TMEM132C: variants seen among roughly 807,000 people sequenced by gnomAD.
The protein encoded by TMEM132C is protein phosphatase 1, regulatory subunit 152.
In TMEM132C, 29 loss-of-function variants were observed where a neutral mutation model predicts 61.4. That is an observed-to-expected ratio of 0.47 (90% CI 0.35 to 0.64). TMEM132C has a LOEUF of 0.64. TMEM132C is among the 30% of genes least tolerant of loss of function. The pLI is 0.00. For synonymous variants in TMEM132C, 656 were observed against 633.1 expected, an observed-to-expected ratio of 1.04 and a Z score of -0.54; for missense variants, 1,408 against 1,476.9, an observed-to-expected ratio of 0.95 and a Z score of 0.76.
At chr12:128,349,912 G>A (rs76487282) in intron 1 of TMEM132C, among the ~76,000 whole-genome samples, 814 of 79,406 alleles carry the variant, frequency 0.01, 9 homozygotes, top group African/African-American at 0.027. Flanking sequence ...GTATGAACAC[G>A]TACCGTACAC....
At chr12:128,589,858 T>G (rs561655152) in intron 3 of TMEM132C, among the ~76,000 whole-genome samples, 2 of 152,286 alleles carry the variant, frequency 1.3e-5, no homozygotes, top group South Asian at 4.1e-4. Flanking sequence ...TAAAGCGTAC[T>G]TACCTCCCGG....
At chr12:128,379,301 G>A (rs914448335) in intron 1 of TMEM132C, among the ~76,000 whole-genome samples, 1 of 152,214 alleles carries the variant, frequency 6.6e-6, no homozygotes, top group Non-Finnish European at 1.5e-5. Context: ...CAGATTAGCT[G>A]AGCAGCTGCC....
At chr12:128,610,578 C>A (rs2135580116) in intron 3 of TMEM132C, among the ~76,000 whole-genome samples, 1 of 152,296 alleles carries the variant, frequency 6.6e-6, no homozygotes, top group South Asian at 2.1e-4. Flanking sequence ...TGGGTGCTCT[C>A]TGGAGTCACT....
At chr12:128,384,549 G>A (rs369027751) in intron 1 of TMEM132C, among the ~76,000 whole-genome samples, 4 of 152,176 alleles carry the variant, frequency 2.6e-5, no homozygotes, top group African/African-American at 7.2e-5. Flanking sequence ...ATGGTGGGTC[G>A]GATGGCTCTT....
chr12:128,333,872 G>A (rs1625247), intron 1 of TMEM132C, among the ~76,000 whole-genome samples: 23,672 of 151,156 alleles, frequency 0.16, 4,177 homozygotes, highest in African/African-American at 0.44. Context: ...GTGTTTATGT[G>A]TGAGAGTGTG....
intron 7 of TMEM132C, among the ~76,000 whole-genome samples, chr12:128,696,358 G>A (rs890806185): frequency 6.6e-6 from 1 of 152,004 alleles, no homozygotes; most frequent in African/African-American, 2.4e-5. Context: ...CCACCTCCCA[G>A]CACCCCCATC....
intron 2 of TMEM132C, among the ~76,000 whole-genome samples, chr12:128,496,399 G>A (rs1272138197): frequency 6.6e-6 from 1 of 152,110 alleles, no homozygotes; most frequent in Non-Finnish European, 1.5e-5. Flanking sequence ...GATTGGGGAA[G>A]TTCTCCTGGA....
intron 2 of TMEM132C, among the ~76,000 whole-genome samples, chr12:128,450,970 G>A (rs908131960): frequency 1.3e-5 from 2 of 151,968 alleles, no homozygotes; most frequent in Non-Finnish European, 2.9e-5. Flanking sequence ...GGCTTCTCTT[G>A]TTTTTATTTG....
intron 2 of TMEM132C, among the ~76,000 whole-genome samples, chr12:128,450,412 A>G (rs1396650340): frequency 1.3e-5 from 2 of 152,090 alleles, no homozygotes; most frequent in Non-Finnish European, 2.9e-5. Context: ...CAGGGACCCT[A>G]TGTTTCTCAC....
chr12:128,444,560 A>G (rs1367167558), intron 2 of TMEM132C, among the ~76,000 whole-genome samples: 3 of 152,198 alleles, frequency 2.0e-5, no homozygotes, highest in South Asian at 2.1e-4. Context: ...TGACAGTCAC[A>G]CGGGGAAATA....
chr12:128,567,470 ACACAC>A (rs994736690), intron 3 of TMEM132C, among the ~76,000 whole-genome samples: 1 of 146,812 alleles, frequency 6.8e-6, no homozygotes, highest in African/African-American at 2.6e-5. Flanking sequence ...ACACACACAC[ACACAC>A]AACTGGTAAC....
intron 1 of TMEM132C, among the ~76,000 whole-genome samples, chr12:128,280,454 C>T (rs1325652387): frequency 6.6e-6 from 1 of 152,208 alleles, no homozygotes. Context: ...ACTTCAAACA[C>T]AGACCAGAAT....
intron 1 of TMEM132C, among the ~76,000 whole-genome samples, chr12:128,370,956 C>G (rs1042059757): frequency 2.0e-5 from 3 of 152,158 alleles, no homozygotes; most frequent in Admixed American, 6.5e-5. Flanking sequence ...CAGAACCACC[C>G]TTTGAGGTAA....
chr12:128,359,585 A>C (rs1476384543), intron 1 of TMEM132C, among the ~76,000 whole-genome samples: 1 of 152,202 alleles, frequency 6.6e-6, no homozygotes, highest in Non-Finnish European at 1.5e-5. Flanking sequence ...ATGAGAAAAA[A>C]CAGCCACTTC....
chr12:128,457,432 C>T (rs544241659), intron 2 of TMEM132C, among the ~76,000 whole-genome samples: 24 of 151,574 alleles, frequency 1.6e-4, no homozygotes, highest in Non-Finnish European at 2.9e-4. Context: ...AAAAATTAGC[C>T]AGGTGTGGTG....
chr12:128,445,226 C>G (rs926087175), intron 2 of TMEM132C, among the ~76,000 whole-genome samples: 1 of 151,310 alleles, frequency 6.6e-6, no homozygotes, highest in Non-Finnish European at 1.5e-5. Flanking sequence ...TTTTTTCCCT[C>G]CAGATTGCTA....
chr12:128,560,314 T>C (rs943480021), intron 3 of TMEM132C, among the ~76,000 whole-genome samples: 11 of 152,120 alleles, frequency 7.2e-5, no homozygotes, highest in Non-Finnish European at 1.5e-5. Context: ...CCAAGCTTGG[T>C]TGTGGCCTGC....
intron 1 of TMEM132C, among the ~76,000 whole-genome samples, chr12:128,393,102 G>A (rs919567393): frequency 6.6e-6 from 1 of 152,324 alleles, no homozygotes; most frequent in Non-Finnish European, 1.5e-5. Flanking sequence ...CATGCAACTT[G>A]TCCTAAGCAT....
chr12:128,316,953 A>G (rs1872173236), intron 1 of TMEM132C, among the ~76,000 whole-genome samples: 2 of 152,196 alleles, frequency 1.3e-5, no homozygotes, highest in South Asian at 2.1e-4. Flanking sequence ...CCTTAACAAT[A>G]TATCCATGTG....
Sources: allele counts gnomAD v4.1 joint callset (sites outside exome capture counted in the v4.1 genomes callset), GRCh38; gene constraint gnomAD v4.1.1; transcripts MANE v1.5; gene names NCBI Gene and HGNC (gene_info 2026-07-23, HGNC 2026-07-21).